The following MAGI2 variants were observed in gnomAD, a reference collection of about 807,000 sequenced individuals.
MAGI2 encodes the protein membrane-associated guanylate kinase, WW and PDZ domain-containing protein 2.
In MAGI2, 35 loss-of-function variants were observed where a neutral mutation model predicts 133.3. The observed-to-expected ratio is 0.26, with a 90% CI of 0.20 to 0.35. The LOEUF (loss-of-function observed/expected upper bound fraction) is 0.35, where lower values mean the gene tolerates loss of function less well. Among genes scored for constraint, MAGI2 ranks in the 10% least tolerant of loss-of-function variants. The pLI is 1.00. For missense variants in MAGI2, 1,636 were observed against 1,863.4 expected, an observed-to-expected ratio of 0.88 and a Z score of 2.25; for synonymous variants, 729 against 710.6, an observed-to-expected ratio of 1.03 and a Z score of -0.41.
At chr7:78,572,963 T>C (rs1013716200) in intron 3 of MAGI2, among the ~76,000 whole-genome samples, 1 of 144,270 alleles carries the variant, frequency 6.9e-6, no homozygotes, top group Admixed American at 7.3e-5. Context: ...ATTCTTGTGA[T>C]TTTAAAGTTT....
chr7:78,223,725 A>T (rs1434553467), intron 10 of MAGI2, among the ~76,000 whole-genome samples: 2 of 152,206 alleles, frequency 1.3e-5, no homozygotes, highest in Admixed American at 6.5e-5. Flanking sequence ...CCAATATTTT[A>T]TACTGCCCCT....
At chr7:78,738,574 C>T (rs1822093383) in intron 2 of MAGI2, among the ~76,000 whole-genome samples, 1 of 152,062 alleles carries the variant, frequency 6.6e-6, no homozygotes, top group Non-Finnish European at 1.5e-5. Context: ...TATTATATTT[C>T]AAAGGGTGCA....
intron 6 of MAGI2, among the ~76,000 whole-genome samples, chr7:78,385,986 G>A (rs1795348283): frequency 2.6e-5 from 1 of 39,152 alleles, no homozygotes; most frequent in Non-Finnish European, 4.3e-5. Flanking sequence ...GATTCAAACA[G>A]AGCAAAACTT....
At chr7:78,300,187 A>G (rs1249007191) in intron 9 of MAGI2, among the ~76,000 whole-genome samples, 1 of 152,200 alleles carries the variant, frequency 6.6e-6, no homozygotes, top group Non-Finnish European at 1.5e-5. Flanking sequence ...ACTATATTAC[A>G]ACAGCTATTA....
intron 1 of MAGI2, among the ~76,000 whole-genome samples, chr7:79,258,364 G>A (rs561098662): frequency 6.6e-6 from 1 of 152,098 alleles, no homozygotes; most frequent in Non-Finnish European, 1.5e-5. Flanking sequence ...CTAATCAACA[G>A]GGGAAAAAAC....
At chr7:79,097,007 A>G (rs1306966132) in intron 1 of MAGI2, among the ~76,000 whole-genome samples, 1 of 152,224 alleles carries the variant, frequency 6.6e-6, no homozygotes, top group Admixed American at 6.5e-5. Context: ...TCTGATAGTC[A>G]CTAAATAAAG....
chr7:78,924,884 A>T (rs1374641801), intron 2 of MAGI2, among the ~76,000 whole-genome samples: 1 of 150,576 alleles, frequency 6.6e-6, no homozygotes, highest in Non-Finnish European at 1.5e-5. Context: ...TTAGGAACAA[A>T]GCACTGGATT....
chr7:78,040,507 G>T (rs1396108267), intron 21 of MAGI2, among the ~76,000 whole-genome samples: 2 of 152,170 alleles, frequency 1.3e-5, no homozygotes, highest in African/African-American at 4.8e-5. Flanking sequence ...AACCTTCCCT[G>T]GGTGGGTAAG....
At position 78,751,434 on chromosome 7, in the gene MAGI2, A is replaced by G. The variant is rs542945140; in HGVS notation, c.419-124195T>C. ...GACTCACGCTCAGCAAAAGGACGAC[A>G]GAAGTCCAGCAAACCTCACACGAAT... On this transcript the variant is annotated intron_variant, in intron 2 of 21. Coordinates refer to ENST00000354212, the MANE Select transcript of MAGI2 (RefSeq NM_012301.4). 2.2e-4 allele frequency among the ~76,000 whole-genome samples: 33 copies of G among 152,344 alleles called. 1 individual carries two copies. The South Asian group carries it at 3.1e-3, about 14-fold the overall frequency.
rs543795868 is a variant in MAGI2 at position 79,209,479 on chromosome 7, C to T, written c.302-202273G>A. Among the ~76,000 whole-genome samples the T allele has an allele frequency of 8.0e-4, 122 of 151,976 alleles. 1 individual carries two copies. The highest frequency in any genetic ancestry group is 2.9e-3 in the African/African-American group (118 of 41,376). ...ATTTTTATCTAGATATTAAGAATGTCACTTATTTTCTCCTGTCACCCTCTA... is the reference window on the plus strand; with the variant it reads ...ATTTTTATCTAGATATTAAGAATGTTACTTATTTTCTCCTGTCACCCTCTA... On this transcript the variant is annotated intron_variant, in intron 1 of 21. Transcript: ENST00000354212.
In MAGI2 at chr7:78,906,209, A is replaced by G. The variant is rs1403236718; in HGVS notation, c.418+100881T>C. Among the ~76,000 whole-genome samples, 3 of 152,336 alleles carry G rather than the reference A, an allele frequency of 2.0e-5. 1 individual carries two copies. Among genetic ancestry groups the G allele is most frequent in the Admixed American group, 2.0e-4 (3 of 15,298 alleles). ...GTGGGCCCTGAAGTGTCTCCACTAT[A>G]ATCGTGGGAACACCCACACCACCAT... is the stretch of plus-strand genomic sequence containing the variant. On this transcript the variant is annotated intron_variant, in intron 2 of 21. Transcript: ENST00000354212.
At chr7:78,804,762 A>AC (rs1366000995) in intron 2 of MAGI2, among the ~76,000 whole-genome samples, 3,320 of 142,190 alleles carry the variant, frequency 0.023, 155 homozygotes, top group African/African-American at 0.081. Flanking sequence ...AAAAAAAAAA[A>AC]AAAAAAAAAA....
chr7:79,405,090 A>G (rs955029071), intron 1 of MAGI2, among the ~76,000 whole-genome samples: 4 of 152,124 alleles, frequency 2.6e-5, no homozygotes, highest in African/African-American at 9.7e-5. Context: ...TCTAACTACA[A>G]GGTGTCAGAA....
intron 4 of MAGI2, among the ~76,000 whole-genome samples, chr7:78,510,742 T>C (rs1000575104): frequency 6.6e-6 from 1 of 152,202 alleles, no homozygotes; most frequent in Non-Finnish European, 1.5e-5. Context: ...TTATGTTCTC[T>C]AGAGTTCTGC....
At chr7:78,571,596 C>G (rs1801504992) in intron 3 of MAGI2, among the ~76,000 whole-genome samples, 1 of 151,930 alleles carries the variant, frequency 6.6e-6, no homozygotes, top group Non-Finnish European at 1.5e-5. Context: ...TTTCAGGTGA[C>G]AAGGACAACT....
At chr7:79,171,770 A>ATATATATATATATATATATATTTTT in intron 1 of MAGI2, among the ~76,000 whole-genome samples, 7 of 31,222 alleles carry the variant, frequency 2.2e-4, no homozygotes, top group East Asian at 6.5e-4. Context: ...ATATATATAT[A>ATATATATATATATATATATATTTTT]TTTTTTTTTT....
intron 2 of MAGI2, among the ~76,000 whole-genome samples, chr7:78,949,787 G>A (rs1244989918): frequency 6.6e-6 from 1 of 152,194 alleles, no homozygotes; most frequent in Non-Finnish European, 1.5e-5. Flanking sequence ...CCATGAAGGT[G>A]CATCTCTCAC....
chr7:79,131,635 A>G (rs1479937681), intron 1 of MAGI2, among the ~76,000 whole-genome samples: 1 of 152,152 alleles, frequency 6.6e-6, no homozygotes, highest in African/African-American at 2.4e-5. Context: ...TCTAAATTTG[A>G]TGTTGTTTTC....
At chr7:79,211,123 T>C (rs1486418600) in intron 1 of MAGI2, among the ~76,000 whole-genome samples, 2 of 152,030 alleles carry the variant, frequency 1.3e-5, no homozygotes, top group African/African-American at 4.8e-5. Flanking sequence ...AGAAAGTAAG[T>C]AGGTTAATAA....
Sources: allele counts gnomAD v4.1 joint callset (sites outside exome capture counted in the v4.1 genomes callset), GRCh38; gene constraint gnomAD v4.1.1; transcripts MANE v1.5; gene names NCBI Gene and HGNC (gene_info 2026-07-23, HGNC 2026-07-21).